PHIP: variants seen among roughly 807,000 people sequenced by gnomAD.
The protein encoded by PHIP is PH-interacting protein.
In PHIP, 54 loss-of-function variants were observed where a neutral mutation model predicts 236.8. The observed-to-expected ratio is 0.23, with a 90% CI of 0.18 to 0.29. The LOEUF (loss-of-function observed/expected upper bound fraction) is 0.29, where lower values mean the gene tolerates loss of function less well. PHIP is among the 10% of genes least tolerant of loss of function. The pLI, the probability that PHIP is intolerant of heterozygous loss-of-function variation, is 1.00. For missense variants in PHIP, 1,370 were observed against 2,190.8 expected, an observed-to-expected ratio of 0.63 and a Z score of 7.48; for synonymous variants, 756 against 718.9, an observed-to-expected ratio of 1.05 and a Z score of -0.83.
chr6:78,945,217 G>T, intron 39 of PHIP, 83 bp downstream of exon 39: 1 of 1,028,302 alleles, frequency 9.7e-7, no homozygotes, highest in Non-Finnish European at 1.5e-6. Flanking sequence ...AACCTGAAAA[G>T]TGGATATAAA....
At chr6:78,946,399 T>C (rs1773820226) in intron 37 of PHIP, 139 bp from the exon 38 acceptor site, 4 of 1,390,588 alleles carry the variant, frequency 2.9e-6, no homozygotes, top group Non-Finnish European at 3.8e-6. Flanking sequence ...TTTCATATGA[T>C]TGTGAGCCTT....
intron 27 of PHIP, among the ~76,000 whole-genome samples, chr6:78,968,847 CAA>C (rs1767329030): frequency 6.6e-6 from 1 of 151,236 alleles, no homozygotes; most frequent in African/African-American, 2.5e-5. Context: ...TAATTTTCCA[CAA>C]AGACAAACTT....
At chr6:78,975,212 G>A (rs981711821) in intron 24 of PHIP, among the ~76,000 whole-genome samples, 3 of 151,908 alleles carry the variant, frequency 2.0e-5, no homozygotes, top group Non-Finnish European at 4.4e-5. Context: ...TGCAAGGCTG[G>A]TTCAATATAC....
chr6:79,035,869 C>G, intron 7 of PHIP, among the ~76,000 whole-genome samples: 1 of 151,910 alleles, frequency 6.6e-6, no homozygotes, highest in East Asian at 1.9e-4. Context: ...GTTTCATTTC[C>G]CTTACAAATC....
rs776081954 is a variant in PHIP, at chr6:79,016,661, G to A, written c.1137-19C>T. ...TACAAACCTGTATTAAAAGGAATCC[G>A]ATCCCCCAAAGAAAAATCATACATG... On this transcript the variant is annotated intron_variant, in intron 12 of 39. Coordinates refer to ENST00000275034, the MANE Select transcript of PHIP (RefSeq NM_017934.7). The A allele has an allele frequency of 2.8e-5, 42 of 1,487,978 alleles. No individual in the cohort carries two copies. The highest frequency in any genetic ancestry group is 3.8e-5 in the Non-Finnish European group (41 of 1,080,194). The allele number at this position is 1,487,978 out of a possible 1,614,324, so 92.2% of individuals were successfully genotyped here.
chr6:79,056,754 TA>T (rs1395443375), intron 6 of PHIP, among the ~76,000 whole-genome samples: 1 of 152,084 alleles, frequency 6.6e-6, no homozygotes, highest in African/African-American at 2.4e-5. Flanking sequence ...CTAGGATACA[TA>T]CAGGAATAGA....
intron 9 of PHIP, among the ~76,000 whole-genome samples, chr6:79,020,299 T>A (rs966207766): frequency 1.3e-5 from 2 of 152,164 alleles, no homozygotes; most frequent in Non-Finnish European, 2.9e-5. Flanking sequence ...TGTTAAGAAT[T>A]TAAAAAATAA....
intron 4 of PHIP, among the ~76,000 whole-genome samples, chr6:79,062,251 A>C (rs1191308456): frequency 6.6e-6 from 1 of 152,222 alleles, no homozygotes; most frequent in Non-Finnish European, 1.5e-5. Flanking sequence ...ATTTAGCTAC[A>C]GAATCCCTTT....
chr6:78,988,163 A>T (rs756577477), intron 21 of PHIP, 46 bp downstream of exon 21: 2 of 1,373,664 alleles, frequency 1.5e-6, no homozygotes, highest in African/African-American at 3.0e-5. Context: ...TATTTAAAAA[A>T]ATAAGTAAAA....
intron 17 of PHIP, among the ~76,000 whole-genome samples, chr6:79,001,134 G>A (rs1479310137): frequency 1.3e-5 from 2 of 151,980 alleles, no homozygotes; most frequent in East Asian, 3.9e-4. Context: ...TATTTTTCTA[G>A]TCTAAAAATA....
At position 78,935,216 on chromosome 6, in the gene PHIP, T is replaced by C. The variant is rs921363765; in HGVS notation, c.*5477A>G. ...AAGGTTATCAGGAATTTTTTTTACC[T>C]TCCTTCCTCAACTTAGAAATTTATT... On this transcript the variant is annotated 3_prime_UTR_variant, in exon 40 of 40. Transcript: ENST00000275034. 2.6e-5 allele frequency among the ~76,000 whole-genome samples: 4 copies of C among 152,184 alleles called. No homozygotes were observed. The highest frequency in any genetic ancestry group is 5.9e-5 in the Non-Finnish European group (4 of 68,014).
intron 4 of PHIP, chr6:79,068,117 T>G (rs1388305639): frequency 6.5e-6 from 1 of 153,552 alleles, no homozygotes; most frequent in Non-Finnish European, 1.5e-5. Context: ...CTACCAGACT[T>G]ACAGTCACTA....
chr6:78,983,235 CA>C (rs1343363693), intron 22 of PHIP, 118 bp from the exon 23 acceptor site: 5 of 482,312 alleles, frequency 1.0e-5, no homozygotes, highest in Admixed American at 3.8e-5. Context: ...ACTTAAACTA[CA>C]AAAAAACTTC....
rs183156980 is a variant in PHIP, at chr6:79,047,762, T to C, written c.440-4759A>G. On this transcript the variant is annotated intron_variant, in intron 6 of 39. Transcript: ENST00000275034. ...ATCTTCTACTGCTTTAATATGAAGT[T>C]CTCCTACTCAGCCCAACAGTACAAT... is the stretch of plus-strand genomic sequence containing the variant. Among the ~76,000 whole-genome samples, 96 of 152,240 alleles carry C rather than the reference T, an allele frequency of 6.3e-4. 1 individual carries two copies. The South Asian group carries it at 8.1e-3, about 13-fold the overall frequency.
intron 4 of PHIP, among the ~76,000 whole-genome samples, chr6:79,071,580 G>C (rs976981928): frequency 1.3e-5 from 2 of 152,068 alleles, no homozygotes; most frequent in Admixed American, 1.3e-4. Flanking sequence ...CCTAAAATTA[G>C]CTGTTAAAAA....
In PHIP at chr6:79,017,567, C is replaced by A; in HGVS notation, c.1011G>T (p.Ala337=). The A allele has an allele frequency of 1.9e-6, 3 of 1,611,092 alleles. No individual in the cohort carries two copies. Among genetic ancestry groups the A allele is most frequent in the Non-Finnish European group, 2.5e-6 (3 of 1,177,916 alleles). ...GAATAATATGATCTGTGCTTCCCGT[C>A]GCCAGAAACATTCCACCTATGAAGA... The part of the protein sequence containing the change: ...SSFSAGGMFL[A]TGSTDHIIRV... Residue 337 remains alanine, a synonymous_variant, in exon 11 of 40, where the codon GCG becomes GCT. Transcript: ENST00000275034.
In PHIP at chr6:78,947,834, G is replaced by C; in HGVS notation, c.4054-59C>G. ...TTACTACACAAAGCATCACTTCTCA[G>C]TGCAGGGATTCGCACAGGATTTTTA... On this transcript the variant is annotated intron_variant, in intron 35 of 39. Coordinates refer to ENST00000275034, the MANE Select transcript of PHIP (RefSeq NM_017934.7). 4.9e-6 allele frequency: 6 copies of C among 1,217,544 alleles called. No individual in the cohort carries two copies. The Middle Eastern group carries it at 7.7e-4, about 156-fold the overall frequency. 75.4% of individuals were successfully genotyped at this position (1,217,544 alleles called of 1,614,324 possible).
At chr6:78,973,180 C>T (rs1220417748) in intron 24 of PHIP, among the ~76,000 whole-genome samples, 1 of 152,116 alleles carries the variant, frequency 6.6e-6, no homozygotes, top group African/African-American at 2.4e-5. Flanking sequence ...GCGGATCTCT[C>T]AGCAGAAACT....
At position 78,961,671 on chromosome 6, in the gene PHIP, T is replaced by C; in HGVS notation, c.3656+19A>G. Reference sequence around the variant, plus strand: ...TCACCAGCTTTCCTTTGATAGTAGCTACATCAAATGGTTCTAACCTGTAAA... The same window carrying C: ...TCACCAGCTTTCCTTTGATAGTAGCCACATCAAATGGTTCTAACCTGTAAA... On this transcript the variant is annotated intron_variant, in intron 31 of 39. Coordinates refer to ENST00000275034, the MANE Select transcript of PHIP (RefSeq NM_017934.7). The C allele has an allele frequency of 6.2e-7, 1 of 1,608,356 alleles. No homozygotes were observed.
Sources: gnomAD v4.1 joint callset for allele counts (sites outside exome capture counted in the v4.1 genomes callset) on GRCh38, gnomAD v4.1.1 for gene constraint, MANE v1.5 for transcripts, NCBI Gene and HGNC (gene_info 2026-07-23, HGNC 2026-07-21) for gene names.